Variants in ATP10D observed in about 807,000 individuals in gnomAD.
ATP10D encodes ATPase phospholipid transporting 10D (putative).
ATP10D carries 89 observed loss-of-function variants against 144.8 expected under a neutral mutation model. The observed-to-expected ratio is 0.61, with a 90% confidence interval of 0.52 to 0.73. The LOEUF (loss-of-function observed/expected upper bound fraction) is 0.73. ATP10D is among the 30% of genes least tolerant of loss of function. ATP10D has a pLI of 0.00. For synonymous variants in ATP10D, 571 were observed against 615.1 expected, an observed-to-expected ratio of 0.93 and a Z score of 1.06; for missense variants, 1,603 against 1,714.8, an observed-to-expected ratio of 0.93 and a Z score of 1.15.
rs527935156 is a variant in ATP10D, at chr4:47,497,185, G to A, written c.-38+11666G>A. On this transcript the variant is annotated intron_variant, in intron 1 of 22. Coordinates refer to ENST00000273859, the MANE Select transcript of ATP10D (RefSeq NM_020453.4). ...AAATAGACCATTGTAGCCGGGCATGGTGGCTCATGCCTGTAATCCCAGCAC... is the reference window on the plus strand; with the variant it reads ...AAATAGACCATTGTAGCCGGGCATGATGGCTCATGCCTGTAATCCCAGCAC... Among the ~76,000 whole-genome samples, 414 of 152,294 alleles carry A rather than the reference G, an allele frequency of 2.7e-3. 7 individuals carry two copies. Among genetic ancestry groups the A allele is most frequent in the Admixed American group, 0.024 (374 of 15,306 alleles).
Position 47,536,452 on chromosome 4 carries a change from T to G in ATP10D, c.1031T>G (p.Leu344Arg). The G allele has an allele frequency of 6.2e-7, 1 of 1,613,578 alleles. No individual in the cohort carries two copies. The highest frequency in any genetic ancestry group is 8.5e-7 in the Non-Finnish European group (1 of 1,179,652). The change falls in exon 8 of 23, where the codon CTG becomes CGG. Residue 344 changes from leucine (L) to arginine (R), a missense_variant. Physicochemically the swap from Leu to Arg is moderately radical, Grantham distance 102 (BLOSUM62 -2). Transcript: ENST00000273859. ...TTTTTGAAAGGTCATGGAATCTGGC[T>G]GAGCAGGTATGAAAAGATGCATTTT... ...LTGAVGHGIW[L>R]SRYEKMHFFN... is the part of the protein sequence containing the mutation.
chr4:47,588,508 A>G (rs2109483481), intron 22 of ATP10D, among the ~76,000 whole-genome samples: 1 of 152,328 alleles, frequency 6.6e-6, no homozygotes, highest in East Asian at 1.9e-4. Flanking sequence ...ACAACAGCAG[A>G]ACTGAATAGT....
At position 47,523,130 on chromosome 4, in the gene ATP10D, G is replaced by T; in HGVS notation, c.604G>T (p.Asp202Tyr). 1.9e-6 allele frequency: 3 copies of T among 1,614,040 alleles called. No homozygotes were observed. The highest frequency in any genetic ancestry group is 2.5e-6 in the Non-Finnish European group (3 of 1,179,986). ...DMVLLFSTDP[D>Y]GICHIETSGL... ...GGTACTACTCTTTTCCACTGATCCA[G>T]ATGGAATCTGTCACATTGAGACTTC... The change falls in exon 4 of 23, where the codon GAT becomes TAT. Residue 202 changes from aspartate (D) to tyrosine (Y), a missense_variant. By Grantham distance (160) the Asp-to-Tyr change is radical. Transcript: ENST00000273859.
At position 47,525,580 on chromosome 4, in the gene ATP10D, G is replaced by C; in HGVS notation, c.714G>C (p.Lys238Asn). Residue 238 changes from lysine to asparagine, a missense_variant, in exon 5 of 23, where the codon AAG (lysine) becomes AAC (asparagine). Transcript: ENST00000273859. ...AEQDSEVDPE[K>N]FSSRIECESP... ...AGGACTCTGAAGTTGATCCTGAGAA[G>C]TTTTCCAGTAGGATAGAATGTGAAA... The C allele has an allele frequency of 5.0e-6, 8 of 1,613,472 alleles. No individual in the cohort carries two copies. Among genetic ancestry groups the C allele is most frequent in the Non-Finnish European group, 5.9e-6 (7 of 1,179,500 alleles).
Position 47,502,395 on chromosome 4 carries a change from A to G in ATP10D, c.-37-10109A>G, listed in dbSNP as rs573238331. Among the ~76,000 whole-genome samples, 158 of 151,960 alleles carry G rather than the reference A, an allele frequency of 1.0e-3. 1 individual carries two copies. The highest frequency in any genetic ancestry group is 1.3e-3 in the Non-Finnish European group (90 of 67,946). ...TGAGGCAGGAGAATGGCGTGAACCCAGGAGGCAGAGCTTGCAGTGAGCCGA... is the reference window on the plus strand; with the variant it reads ...TGAGGCAGGAGAATGGCGTGAACCCGGGAGGCAGAGCTTGCAGTGAGCCGA... On this transcript the variant is annotated intron_variant, in intron 1 of 22. Coordinates refer to ENST00000273859, the MANE Select transcript of ATP10D (RefSeq NM_020453.4).
intron 16 of ATP10D, among the ~76,000 whole-genome samples, chr4:47,571,353 A>G (rs1349057400): frequency 1.3e-5 from 2 of 149,108 alleles, no homozygotes; most frequent in Admixed American, 6.7e-5. Flanking sequence ...AATATATAAC[A>G]ATTATATTAT....
At chr4:47,546,171 G>C (rs955050724) in intron 9 of ATP10D, among the ~76,000 whole-genome samples, 15 of 152,188 alleles carry the variant, frequency 9.9e-5, no homozygotes, top group African/African-American at 3.6e-4. Context: ...GGAGCTCATT[G>C]GTGACCTTGA....
chr4:47,495,286 C>T (rs943869168), intron 1 of ATP10D, among the ~76,000 whole-genome samples: 8 of 151,534 alleles, frequency 5.3e-5, no homozygotes, highest in African/African-American at 9.7e-5. Context: ...TGAAGCAGCA[C>T]GCTTGGCTTG....
At chr4:47,583,405 A>G (rs1229448436) in intron 21 of ATP10D, 1 of 152,248 alleles carries the variant, frequency 6.6e-6, no homozygotes, top group Non-Finnish European at 1.5e-5. Flanking sequence ...TTTAAAATAT[A>G]TGAAGTTATA....
chr4:47,504,196 G>A lies in ATP10D; in HGVS notation c.-37-8308G>A, dbSNP rs78933847. Reference sequence around the variant, plus strand: ...TTTCCCACAAAATAAATTGACCCTTGTCATCACAAAAGCCCATATTAGATA... The same window carrying A: ...TTTCCCACAAAATAAATTGACCCTTATCATCACAAAAGCCCATATTAGATA... On this transcript the variant is annotated intron_variant, in intron 1 of 22. Transcript: ENST00000273859. Among the ~76,000 whole-genome samples, 24 of 152,194 alleles carry A rather than the reference G, an allele frequency of 1.6e-4. No homozygotes were observed. In the East Asian group the frequency reaches 4.6e-3, roughly 29 times the overall value.
intron 19 of ATP10D, among the ~76,000 whole-genome samples, chr4:47,579,314 A>G (rs1391322231): frequency 6.6e-6 from 1 of 152,236 alleles, no homozygotes; most frequent in Non-Finnish European, 1.5e-5. Context: ...GGCACCTGGT[A>G]TGTACAAGAC....
At chr4:47,499,840 G>A (rs76406402) in intron 1 of ATP10D, among the ~76,000 whole-genome samples, 20,205 of 152,108 alleles carry the variant, frequency 0.13, 1,476 homozygotes, top group African/African-American at 0.19. Flanking sequence ...TACTTCAGCT[G>A]TTTCTAAAAA....
intron 1 of ATP10D, among the ~76,000 whole-genome samples, chr4:47,504,101 C>T (rs1013218146): frequency 1.1e-4 from 16 of 152,042 alleles, no homozygotes; most frequent in South Asian, 4.2e-4. Flanking sequence ...TTTTATTCAG[C>T]AAATCTGATT....
At chr4:47,507,563 T>C (rs1159956621) in intron 1 of ATP10D, among the ~76,000 whole-genome samples, 2 of 152,196 alleles carry the variant, frequency 1.3e-5, no homozygotes, top group Non-Finnish European at 2.9e-5. Flanking sequence ...CTCCTACTTC[T>C]AATGGCAGAA....
chr4:47,503,556 T>C (rs1207598624), intron 1 of ATP10D, among the ~76,000 whole-genome samples: 2 of 152,192 alleles, frequency 1.3e-5, no homozygotes, highest in East Asian at 3.8e-4. Flanking sequence ...TTTTATGAAC[T>C]TATATAGCGC....
rs1451089604 is a variant in ATP10D, at chr4:47,512,528, C to A, written c.-13C>A. 1 of 1,599,754 alleles carries A rather than the reference C, an allele frequency of 6.3e-7. No individual in the cohort carries two copies. On this transcript the variant is annotated 5_prime_UTR_variant, in exon 2 of 23. Transcript: ENST00000273859. ...GGTCAGCTACACAACCTGGATCTTA[C>A]CACAGTTTGGATATGACTGAGGCTC...
chr4:47,487,328 G>A lies in ATP10D; in HGVS notation c.-38+1809G>A, dbSNP rs183288624. 2.4e-3 allele frequency among the ~76,000 whole-genome samples: 369 copies of A among 151,692 alleles called. 1 individual carries two copies. The highest frequency in any genetic ancestry group is 8.4e-3 in the African/African-American group (345 of 41,312). ...TATGATTATAATTTATAATAGAACA[G>A]AGGTGACTCACCTGTCAGACAAATG... On this transcript the variant is annotated intron_variant, in intron 1 of 22. Coordinates refer to ENST00000273859, the MANE Select transcript of ATP10D (RefSeq NM_020453.4).
chr4:47,540,980 T>C (rs1040350983), intron 9 of ATP10D, among the ~76,000 whole-genome samples: 5 of 152,180 alleles, frequency 3.3e-5, no homozygotes, highest in African/African-American at 1.2e-4. Context: ...GGCAGTAGCA[T>C]TGAACACTTT....
At chr4:47,568,268 C>G (rs1325874247) in intron 15 of ATP10D, among the ~76,000 whole-genome samples, 1 of 152,208 alleles carries the variant, frequency 6.6e-6, no homozygotes, top group Admixed American at 6.5e-5. Flanking sequence ...GTAGCTCCAG[C>G]TCTTAGAATG....
Sources: allele counts gnomAD v4.1 joint callset (sites outside exome capture counted in the v4.1 genomes callset), GRCh38; gene constraint gnomAD v4.1.1; transcripts MANE v1.5; gene names NCBI Gene and HGNC (gene_info 2026-07-23, HGNC 2026-07-21).